PLEKHA1: variants seen among roughly 807,000 people sequenced by gnomAD.
PLEKHA1 encodes pleckstrin homology domain containing A1, also known as pleckstrin homology domain-containing family A member 1.
Under a neutral mutation model 52.0 loss-of-function variants are expected in PLEKHA1, and 34 were observed. That is an observed-to-expected ratio of 0.65 (90% CI 0.50 to 0.87). The LOEUF (loss-of-function observed/expected upper bound fraction) is 0.87. Among genes scored for constraint, PLEKHA1 ranks in the 40% least tolerant of loss-of-function variants. PLEKHA1 has a pLI of 0.00. For missense variants in PLEKHA1, 497 were observed against 504.2 expected (o/e 0.99, Z 0.14); for synonymous variants, 163 against 170.7 (o/e 0.95, Z 0.35).
intron 1 of PLEKHA1, among the ~76,000 whole-genome samples, chr10:122,390,822 A>G (rs1367157700): frequency 9.0e-6 from 1 of 111,468 alleles, no homozygotes; most frequent in Non-Finnish European, 2.0e-5. Flanking sequence ...TAGGAGTAGA[A>G]TGGCTGGATC....
At chr10:122,427,151 A>C (rs1033527214) in intron 11 of PLEKHA1, 120 bp downstream of exon 11, 1 of 924,906 alleles carries the variant, frequency 1.1e-6, no homozygotes, top group Non-Finnish European at 1.6e-6. Flanking sequence ...GTTGACTTTT[A>C]TACCAATTGG....
chr10:122,382,788 CT>C (rs1331447643), intron 1 of PLEKHA1, among the ~76,000 whole-genome samples: 1 of 152,134 alleles, frequency 6.6e-6, no homozygotes, highest in Non-Finnish European at 1.5e-5. Flanking sequence ...TAAATGTTTT[CT>C]TTTATTTTAA....
chr10:122,429,902 C>T lies in PLEKHA1; in HGVS notation c.1179C>T (p.Asp393=), dbSNP rs2097401730. The T allele has an allele frequency of 6.2e-7, 1 of 1,613,948 alleles. No individual in the cohort carries two copies. Among genetic ancestry groups the T allele is most frequent in the Non-Finnish European group, 8.5e-7 (1 of 1,180,006 alleles). Residue 393 remains aspartate, a synonymous_variant, in exon 12 of 12, where the codon GAC becomes GAT. Transcript: ENST00000368990. ...GPQEKDCDLV[D]LDDASLPVSD... is the part of the protein sequence containing the mutation. The stretch of plus-strand genomic sequence containing the variant: ...AGGAAAAAGATTGTGACCTAGTAGA[C>T]TTGGACGATGCGAGCCTTCCGGTCA...
the PLEKHA1 span, chr10:122,441,217 C>CG: frequency 6.6e-6 from 1 of 152,284 alleles, no homozygotes; most frequent in South Asian, 2.1e-4. Context: ...CACCTATAAT[C>CG]GCAGCACTTT....
chr10:122,441,299 G>A, the PLEKHA1 span: 1 of 151,998 alleles, frequency 6.6e-6, no homozygotes, highest in Non-Finnish European at 1.5e-5. Context: ...GTGAGACATC[G>A]TCTCTACTAA....
intron 2 of PLEKHA1, among the ~76,000 whole-genome samples, chr10:122,397,441 A>G (rs923243031): frequency 6.6e-6 from 1 of 152,170 alleles, no homozygotes; most frequent in African/African-American, 2.4e-5. Flanking sequence ...GTAGATTAAT[A>G]TGGCATAAAA....
At chr10:122,433,888 T>G (rs2097428960), downstream of PLEKHA1, 1 of 152,254 alleles carries the variant, frequency 6.6e-6, no homozygotes, top group Non-Finnish European at 1.5e-5. Flanking sequence ...TTTTAATTAT[T>G]TCCAAGAACT....
chr10:122,428,659 G>A (rs776910943), intron 11 of PLEKHA1, among the ~76,000 whole-genome samples: 7 of 152,104 alleles, frequency 4.6e-5, no homozygotes, highest in Non-Finnish European at 7.4e-5. Flanking sequence ...CTTACGAAAT[G>A]CACCATTGTT....
At chr10:122,387,232 G>T (rs1486234881) in intron 1 of PLEKHA1, 1 of 151,650 alleles carries the variant, frequency 6.6e-6, no homozygotes, top group Non-Finnish European at 1.5e-5. Flanking sequence ...GCTTTTTAGG[G>T]TGGAGTTTAT....
At position 122,399,728 on chromosome 10, in the gene PLEKHA1, G is replaced by A. The variant is rs1178774210; in HGVS notation, c.199-615G>A. 5.3e-5 allele frequency among the ~76,000 whole-genome samples: 8 copies of A among 151,878 alleles called. No homozygotes were observed. The South Asian group carries it at 6.3e-4, about 12-fold the overall frequency. ...CTCCTGAGTAGCTGGGACTACAGGC[G>A]CCCGCCACCATGCCCAGCTAATTTT... On this transcript the variant is annotated intron_variant, in intron 3 of 11. Transcript: ENST00000368990.
chr10:122,425,956 A>G (rs1440541445), intron 10 of PLEKHA1, among the ~76,000 whole-genome samples: 2 of 152,136 alleles, frequency 1.3e-5, no homozygotes, highest in East Asian at 3.9e-4. Flanking sequence ...TGTTTCATAT[A>G]TTGTTATTTT....
chr10:122,406,588 G>A lies in PLEKHA1; in HGVS notation c.257G>A (p.Gly86Glu). The A allele has an allele frequency of 6.2e-7, 1 of 1,611,472 alleles. No individual in the cohort carries two copies. ...KAEFCFVMNA[G>E]MRKYFLQAND... ...TTTCTGTCAACAGTTATGAATGCAGGAATGAGGAAGTACTTCCTACAAGCC... is the reference window on the plus strand; with the variant it reads ...TTTCTGTCAACAGTTATGAATGCAGAAATGAGGAAGTACTTCCTACAAGCC... Residue 86 changes from glycine (G) to glutamate (E), a missense_variant, in exon 5 of 12, where the codon GGA becomes GAA. Transcript: ENST00000368990.
intron 4 of PLEKHA1, among the ~76,000 whole-genome samples, chr10:122,401,945 C>CA (rs2096935712): frequency 6.6e-6 from 1 of 152,086 alleles, no homozygotes; most frequent in African/African-American, 2.4e-5. Context: ...ACGTGGCTGT[C>CA]AAGGGAATCC....
chr10:122,413,604 G>A (rs2097135985), intron 6 of PLEKHA1, among the ~76,000 whole-genome samples: 1 of 151,944 alleles, frequency 6.6e-6, no homozygotes, highest in South Asian at 2.1e-4. Context: ...ACAGAAGACT[G>A]GAATTTTAAC....
chr10:122,424,787 GTGCTTTACCTCAT>G (rs2097313483), intron 9 of PLEKHA1, 96 bp from the exon 10 acceptor site: 3 of 724,612 alleles, frequency 4.1e-6, no homozygotes, highest in African/African-American at 1.8e-5. Flanking sequence ...TGCTAAATCA[GTGCTTTACCTCAT>G]TTATTTATTG....
intron 1 of PLEKHA1, among the ~76,000 whole-genome samples, chr10:122,379,685 A>G (rs1043893898): frequency 6.6e-6 from 1 of 152,122 alleles, no homozygotes; most frequent in Non-Finnish European, 1.5e-5. Context: ...GACTCTACAG[A>G]TATTTGATCC....
intron 3 of PLEKHA1, among the ~76,000 whole-genome samples, chr10:122,399,731 C>T (rs4551693): frequency 0.051 from 7,709 of 152,068 alleles, 248 homozygotes; most frequent in East Asian, 0.14. Context: ...TACAGGCGCC[C>T]GCCACCATGC....
chr10:122,396,292 G>C (rs1340022669), intron 2 of PLEKHA1, among the ~76,000 whole-genome samples: 1 of 152,008 alleles, frequency 6.6e-6, no homozygotes, highest in African/African-American at 2.4e-5. Context: ...CACTTTGGTG[G>C]TAGTTAGAGA....
intron 4 of PLEKHA1, among the ~76,000 whole-genome samples, chr10:122,401,665 G>T (rs556417609): frequency 6.6e-6 from 1 of 152,176 alleles, no homozygotes; most frequent in Non-Finnish European, 1.5e-5. Flanking sequence ...GAGCTTTAGG[G>T]TCAAGAATGG....
Sources: allele counts gnomAD v4.1 joint callset (sites outside exome capture counted in the v4.1 genomes callset), GRCh38; gene constraint gnomAD v4.1.1; transcripts MANE v1.5; gene names NCBI Gene and HGNC (gene_info 2026-07-23, HGNC 2026-07-21).